SAMD5: variants seen among roughly 807,000 people sequenced by gnomAD.
The protein encoded by SAMD5 is sterile alpha motif domain-containing protein 5.
Under a neutral mutation model 11.3 loss-of-function variants are expected in SAMD5, and 13 were observed. That is an observed-to-expected ratio of 1.15 (90% CI 0.75 to 1.83). The LOEUF is 1.83. Ranked by LOEUF, SAMD5 falls within the 40% of genes most tolerant of loss-of-function variation. The pLI, the probability that SAMD5 is intolerant of heterozygous loss-of-function variation, is 0.00. For synonymous variants in SAMD5, 129 were observed against 111.3 expected (o/e 1.16, Z -1.00); for missense variants, 255 against 239.1 (o/e 1.07, Z -0.44).
the SAMD5 span, among the ~76,000 whole-genome samples, chr6:147,779,740 A>G: frequency 6.6e-6 from 1 of 152,334 alleles, no homozygotes; most frequent in Non-Finnish European, 1.5e-5. Flanking sequence ...CACTATATGT[A>G]TACTGAAGGG....
chr6:147,689,545 TC>T (rs1308929757), intron 1 of SAMD5, among the ~76,000 whole-genome samples: 1 of 152,224 alleles, frequency 6.6e-6, no homozygotes, highest in Non-Finnish European at 1.5e-5. Context: ...TCTTCCCTTT[TC>T]CCAGTCAAAG....
At chr6:147,644,405 T>C (rs886260434) in intron 1 of SAMD5, among the ~76,000 whole-genome samples, 2 of 152,188 alleles carry the variant, frequency 1.3e-5, no homozygotes, top group African/African-American at 4.8e-5. Context: ...ATTTTTGAAG[T>C]CTCTAAAATA....
At chr6:147,860,723 C>G in the SAMD5 span, among the ~76,000 whole-genome samples, 1 of 152,170 alleles carries the variant, frequency 6.6e-6, no homozygotes, top group Non-Finnish European at 1.5e-5. Flanking sequence ...AATAGGAACA[C>G]AAGAATTAAG....
intron 1 of SAMD5, among the ~76,000 whole-genome samples, chr6:147,655,878 T>C (rs1438173017): frequency 1.3e-5 from 2 of 152,126 alleles, no homozygotes; most frequent in Non-Finnish European, 2.9e-5. Context: ...AAGCATTAGA[T>C]AAAAGAAAGA....
At chr6:147,880,759 A>G in the SAMD5 span, among the ~76,000 whole-genome samples, 2 of 152,116 alleles carry the variant, frequency 1.3e-5, no homozygotes, top group South Asian at 2.1e-4. Context: ...CCTTTACATC[A>G]TACAGACTGT....
chr6:147,883,427 A>G, the SAMD5 span, among the ~76,000 whole-genome samples: 3 of 152,228 alleles, frequency 2.0e-5, no homozygotes, highest in Non-Finnish European at 4.4e-5. Flanking sequence ...TCCTTGGAAC[A>G]AAGCAGATGA....
the SAMD5 span, among the ~76,000 whole-genome samples, chr6:147,910,524 G>A: frequency 2.7e-4 from 41 of 152,224 alleles, no homozygotes; most frequent in African/African-American, 9.4e-4. Context: ...AGGACTCAGG[G>A]CTCATGGAAA....
intron 1 of SAMD5, among the ~76,000 whole-genome samples, chr6:147,560,098 G>A (rs935733949): frequency 6.6e-6 from 1 of 152,154 alleles, no homozygotes; most frequent in Non-Finnish European, 1.5e-5. Context: ...TAGTAGGGAC[G>A]ATTCAATCGG....
intron 1 of SAMD5, among the ~76,000 whole-genome samples, chr6:147,733,455 G>A (rs1025734207): frequency 1.3e-5 from 2 of 152,062 alleles, no homozygotes; most frequent in Admixed American, 6.5e-5. Context: ...TGGAAATAAC[G>A]GCATTGAAAC....
intron 1 of SAMD5, among the ~76,000 whole-genome samples, chr6:147,714,821 A>G (rs1791444576): frequency 6.6e-6 from 1 of 152,194 alleles, no homozygotes; most frequent in Admixed American, 6.5e-5. Context: ...TTGGGGCCAT[A>G]CTTTGAGTAA....
At chr6:147,862,862 T>G in the SAMD5 span, among the ~76,000 whole-genome samples, 6 of 150,888 alleles carry the variant, frequency 4.0e-5, no homozygotes, top group African/African-American at 7.3e-5. Flanking sequence ...AGAAAGGAGG[T>G]TTTTTTTTGT....
At chr6:147,621,221 C>A (rs762693262) in intron 1 of SAMD5, among the ~76,000 whole-genome samples, 1 of 151,944 alleles carries the variant, frequency 6.6e-6, no homozygotes. Flanking sequence ...GATGAGAAGA[C>A]CTTGGAGAAA....
At chr6:147,655,703 C>A (rs1790554971) in intron 1 of SAMD5, among the ~76,000 whole-genome samples, 1 of 152,156 alleles carries the variant, frequency 6.6e-6, no homozygotes, top group Non-Finnish European at 1.5e-5. Flanking sequence ...GTTGCAAACT[C>A]TTCACATCTT....
the SAMD5 span, among the ~76,000 whole-genome samples, chr6:147,839,370 A>G: frequency 2.0e-5 from 3 of 152,228 alleles, no homozygotes; most frequent in Non-Finnish European, 4.4e-5. Flanking sequence ...AATCTAATAT[A>G]ATGTTTTTTT....
intron 1 of SAMD5, among the ~76,000 whole-genome samples, chr6:147,659,295 AG>A: frequency 6.6e-6 from 1 of 152,234 alleles, no homozygotes; most frequent in South Asian, 2.1e-4. Context: ...TGAATGTGGC[AG>A]GGAAATTTTG....
the SAMD5 span, among the ~76,000 whole-genome samples, chr6:147,895,725 G>A: frequency 6.6e-6 from 1 of 152,184 alleles, no homozygotes. Flanking sequence ...ATAGAAGATT[G>A]AAGAAAGAGG....
chr6:147,899,147 G>C, the SAMD5 span, among the ~76,000 whole-genome samples: 21 of 138,872 alleles, frequency 1.5e-4, no homozygotes, highest in Non-Finnish European at 2.3e-4. Flanking sequence ...CTCCAGCCTG[G>C]GTGACAGAGC....
intron 1 of SAMD5, among the ~76,000 whole-genome samples, chr6:147,717,856 C>CACAAA (rs142280809): frequency 0.17 from 25,906 of 150,934 alleles, 3,460 homozygotes; most frequent in African/African-American, 0.37. Context: ...GTCTCAAAAA[C>CACAAA]ACAAAACAAA....
chr6:147,942,199 A>G, the SAMD5 span, among the ~76,000 whole-genome samples: 1 of 152,124 alleles, frequency 6.6e-6, no homozygotes. Context: ...TTAAATGGGC[A>G]CATTTACTAA....
Sources: allele counts gnomAD v4.1 joint callset (sites outside exome capture counted in the v4.1 genomes callset), GRCh38; gene constraint gnomAD v4.1.1; transcripts MANE v1.5; gene names NCBI Gene and HGNC (gene_info 2026-07-23, HGNC 2026-07-21).